Variants in GLIPR1L1 observed in about 807,000 individuals in gnomAD.
The protein encoded by GLIPR1L1 is GLIPR1 like 1.
In GLIPR1L1, 26 loss-of-function variants were observed where a neutral mutation model predicts 29.9. The ratio of observed to expected loss-of-function variants is 0.87; its 90% CI spans 0.64 to 1.21. The LOEUF is 1.21. Among genes scored for constraint, GLIPR1L1 ranks in the 50% most tolerant of loss-of-function variants. GLIPR1L1 has a pLI of 0.00. For missense variants in GLIPR1L1, 305 were observed against 290.3 expected (o/e 1.05, Z -0.37); for synonymous variants, 77 against 97.5 (o/e 0.79, Z 1.24).
At chr12:75,356,551 C>T (rs571430499) in intron 3 of GLIPR1L1, among the ~76,000 whole-genome samples, 179 of 151,848 alleles carry the variant, frequency 1.2e-3, no homozygotes, top group Middle Eastern at 0.01. Context: ...AAAGAGTAAT[C>T]GCAAATAAGC....
At position 75,369,980 on chromosome 12, in the gene GLIPR1L1, C is replaced by A. The variant is rs1261869522; in HGVS notation, c.631C>A (p.Pro211Thr). 2.8e-6 allele frequency: 3 copies of A among 1,086,936 alleles called. No individual in the cohort carries two copies. The highest frequency in any genetic ancestry group is 4.0e-6 in the Non-Finnish European group (3 of 748,792). The allele number at this position is 1,086,936 out of a possible 1,614,324, so 67.3% of individuals were successfully genotyped here. Reference protein sequence around the residue: ...NLCRTPQLIIPNQNPFLKPTG... With the variant: ...NLCRTPQLIITNQNPFLKPTG... ...TTTAGGGACTCCACAACTTATTATA[C>A]CTAACCGTATGTATCAAAATATTTT... The change falls in exon 5 of 6, where the codon CCT becomes ACT. Residue 211 changes from proline (P) to threonine (T), a missense_variant. Pro to Thr is a conservative substitution (Grantham distance 38, BLOSUM62 -1). Coordinates refer to ENST00000378695, the MANE Select transcript of GLIPR1L1 (RefSeq NM_001304964.2).
In GLIPR1L1 at chr12:75,347,610, T is replaced by G. The variant is rs1168564764; in HGVS notation, c.421-12T>G. 6.4e-7 allele frequency: 1 copy of G among 1,571,752 alleles called. No homozygotes were observed. Among genetic ancestry groups the G allele is most frequent in the Non-Finnish European group, 8.7e-7 (1 of 1,143,562 alleles). ...TTTCCATATTTTATCTTGACATTCC[T>G]TTTCTTTATAGTTAGTTTGGGCCAA... On this transcript the variant is annotated splice_polypyrimidine_tract_variant and intron_variant, in intron 2 of 5. Transcript: ENST00000378695.
chr12:75,355,186 A>G (rs2043071987), intron 3 of GLIPR1L1, among the ~76,000 whole-genome samples: 1 of 152,226 alleles, frequency 6.6e-6, no homozygotes, highest in South Asian at 2.1e-4. Flanking sequence ...ATCAGAGTAA[A>G]CAAGCAACCT....
chr12:75,362,992 T>G, intron 3 of GLIPR1L1, 110 bp from the exon 4 acceptor site: 1 of 539,166 alleles, frequency 1.9e-6, no homozygotes. Context: ...TTATTTTTCA[T>G]TTTCAACATT....
intron 3 of GLIPR1L1, among the ~76,000 whole-genome samples, chr12:75,355,693 C>A (rs541283562): frequency 6.6e-6 from 1 of 152,096 alleles, no homozygotes; most frequent in Non-Finnish European, 1.5e-5. Flanking sequence ...TTCAGCGCAG[C>A]ACTATTTATA....
intron 1 of GLIPR1L1, among the ~76,000 whole-genome samples, chr12:75,335,493 CTT>C (rs1166907104): frequency 6.6e-6 from 1 of 152,092 alleles, no homozygotes; most frequent in Non-Finnish European, 1.5e-5. Flanking sequence ...TGCATTGTAA[CTT>C]TTTCTTGTTT....
intron 4 of GLIPR1L1, chr12:75,366,897 G>T (rs1222571078): frequency 1.4e-6 from 1 of 701,388 alleles, no homozygotes; most frequent in East Asian, 2.7e-5. Context: ...TCCCTGTAGG[G>T]CCACTGCATG....
chr12:75,339,774 A>G (rs1593661322), intron 1 of GLIPR1L1, among the ~76,000 whole-genome samples: 1 of 152,230 alleles, frequency 6.6e-6, no homozygotes, highest in East Asian at 1.9e-4. Flanking sequence ...ATAAGGTGTA[A>G]GGAAGGGGTC....
chr12:75,345,127 T>C (rs1461365439), intron 2 of GLIPR1L1, among the ~76,000 whole-genome samples: 3 of 152,098 alleles, frequency 2.0e-5, no homozygotes, highest in African/African-American at 7.2e-5. Flanking sequence ...TACTATGCCA[T>C]CTAAACTTCT....
intron 3 of GLIPR1L1, among the ~76,000 whole-genome samples, chr12:75,353,884 C>G (rs527388997): frequency 6.6e-6 from 1 of 152,208 alleles, no homozygotes; most frequent in Admixed American, 6.5e-5. Flanking sequence ...GAACTAAAGA[C>G]AAAAACCATA....
At chr12:75,369,417 G>GC (rs1302844441) in intron 4 of GLIPR1L1, 1 of 594,946 alleles carries the variant, frequency 1.7e-6, no homozygotes, top group African/African-American at 2.0e-5. Context: ...TCCAAAGCTA[G>GC]AATCATGCTG....
chr12:75,344,305 T>G (rs896767177), intron 2 of GLIPR1L1, among the ~76,000 whole-genome samples: 2 of 152,070 alleles, frequency 1.3e-5, no homozygotes, highest in Non-Finnish European at 2.9e-5. Context: ...AAACTGATGC[T>G]CTTGTCTTTT....
At chr12:75,369,103 A>AT (rs2044186972) in intron 4 of GLIPR1L1, among the ~76,000 whole-genome samples, 1 of 151,956 alleles carries the variant, frequency 6.6e-6, no homozygotes, top group African/African-American at 2.4e-5. Context: ...TAACAGTTAT[A>AT]TATGTAGACC....
chr12:75,364,932 C>A (rs1405432484), intron 4 of GLIPR1L1: 1 of 152,056 alleles, frequency 6.6e-6, no homozygotes, highest in Non-Finnish European at 1.5e-5. Flanking sequence ...CAGGAATCAG[C>A]AAATTATTTA....
At chr12:75,337,617 A>AT (rs2041825766) in intron 1 of GLIPR1L1, among the ~76,000 whole-genome samples, 1 of 151,724 alleles carries the variant, frequency 6.6e-6, no homozygotes, top group Admixed American at 6.6e-5. Context: ...TTAATGTACA[A>AT]TTTTTTTTAC....
intron 3 of GLIPR1L1, among the ~76,000 whole-genome samples, chr12:75,355,195 C>T (rs564297050): frequency 1.1e-4 from 17 of 152,130 alleles, no homozygotes; most frequent in South Asian, 2.1e-4. Context: ...AACAAGCAAC[C>T]TACAGAGTGG....
rs1223122747 is a variant in GLIPR1L1 at position 75,370,458 on chromosome 12, T to C, written c.*282T>C. The stretch of plus-strand genomic sequence containing the variant: ...TGAGAATGGATTATCATTTTAGTTA[T>C]AGTACATTTAGAGAACTAAAGACTT... On this transcript the variant is annotated 3_prime_UTR_variant, in exon 6 of 6. Coordinates refer to ENST00000378695, the MANE Select transcript of GLIPR1L1 (RefSeq NM_001304964.2). 3 of 229,170 alleles carry C rather than the reference T, an allele frequency of 1.3e-5. No individual in the cohort carries two copies. The highest frequency in any genetic ancestry group is 4.5e-5 in the African/African-American group (2 of 44,446). 14.2% of individuals were successfully genotyped at this position (229,170 alleles called of 1,614,324 possible). A position where few individuals can be genotyped will look rare whatever the true frequency, so the allele number is the denominator to read the frequency against.
At chr12:75,338,714 G>A (rs892447926) in intron 1 of GLIPR1L1, among the ~76,000 whole-genome samples, 3 of 152,040 alleles carry the variant, frequency 2.0e-5, no homozygotes, top group Non-Finnish European at 2.9e-5. Context: ...ATTAAGCCCA[G>A]CATCTATTAG....
rs2043722693 is a variant in GLIPR1L1 at position 75,363,117 on chromosome 12, T to C, written c.537T>C (p.Asn179=). Residue 179 remains asparagine (N), a synonymous_variant, in exon 4 of 6, where the codon AAT becomes AAC. Transcript: ENST00000378695. The stretch of plus-strand genomic sequence containing the variant: ...TTTTTTACAGAGGAAATTTTGCAAA[T>C]ATGCCTCCTTACGTAAGAGGAGAAT... ...CNYGPAGNFA[N]MPPYVRGESC... 2 of 1,554,436 alleles carry C rather than the reference T, an allele frequency of 1.3e-6. No homozygotes were observed. The highest frequency in any genetic ancestry group is 2.4e-5 in the East Asian group (1 of 41,984).
Sources: allele counts gnomAD v4.1 joint callset (sites outside exome capture counted in the v4.1 genomes callset), GRCh38; gene constraint gnomAD v4.1.1; transcripts MANE v1.5; gene names NCBI Gene and HGNC (gene_info 2026-07-23, HGNC 2026-07-21).